The following CACNA1C variants were observed in gnomAD, a reference collection of about 807,000 sequenced individuals.
CACNA1C encodes the protein voltage-dependent L-type calcium channel subunit alpha-1C.
In CACNA1C, 30 loss-of-function variants were observed where a neutral mutation model predicts 229.0. The observed-to-expected ratio is 0.13, with a 90% CI of 0.10 to 0.18. CACNA1C has a LOEUF of 0.18. Among genes scored for constraint, CACNA1C ranks in the 10% least tolerant of loss-of-function variants. The pLI is 1.00. For missense variants in CACNA1C, 1,658 were observed against 2,845.0 expected (o/e 0.58, Z 9.49); for synonymous variants, 1,114 against 1,132.5 (o/e 0.98, Z 0.33).
chr12:2,482,616 G>A (rs765755021), intron 5 of CACNA1C, among the ~76,000 whole-genome samples: 10 of 152,186 alleles, frequency 6.6e-5, no homozygotes, highest in Admixed American at 1.3e-4. Flanking sequence ...GAGGGCCTTT[G>A]GTGTTCCAGG....
chr12:2,154,944 G>A (rs753101151), intron 3 of CACNA1C, among the ~76,000 whole-genome samples: 5 of 152,162 alleles, frequency 3.3e-5, no homozygotes, highest in Admixed American at 3.3e-4. Context: ...CTCCGGAGCC[G>A]GCTCTGTGCT....
At chr12:2,204,734 A>C (rs2097700252) in intron 3 of CACNA1C, among the ~76,000 whole-genome samples, 2 of 133,484 alleles carry the variant, frequency 1.5e-5, no homozygotes, top group Non-Finnish European at 1.6e-5. Flanking sequence ...ATAGGTGGGA[A>C]TTGAACAGTG....
At chr12:2,484,322 T>C (rs2099688873) in intron 5 of CACNA1C, among the ~76,000 whole-genome samples, 1 of 152,130 alleles carries the variant, frequency 6.6e-6, no homozygotes, top group South Asian at 2.1e-4. Flanking sequence ...GGTGGCCCTG[T>C]GGTGGGAGGA....
intron 21 of CACNA1C, among the ~76,000 whole-genome samples, chr12:2,600,714 C>T (rs215986): frequency 0.21 from 32,372 of 152,186 alleles, 3,635 homozygotes; most frequent in East Asian, 0.37. Flanking sequence ...CAGTCATCGT[C>T]ATCTTGTGTG....
At chr12:2,267,766 G>T (rs1331376660) in intron 3 of CACNA1C, among the ~76,000 whole-genome samples, 5 of 152,218 alleles carry the variant, frequency 3.3e-5, no homozygotes, top group African/African-American at 1.2e-4. Flanking sequence ...GGGTTGGAAT[G>T]TGTCTGCGGA....
chr12:2,059,861 G>C (rs2056791009), intron 1 of CACNA1C, among the ~76,000 whole-genome samples: 1 of 152,102 alleles, frequency 6.6e-6, no homozygotes, highest in South Asian at 2.1e-4. Context: ...CCCCCTGAGA[G>C]AGCATTGTTA....
chr12:2,113,646 G>A (rs1405199421), intron 1 of CACNA1C, among the ~76,000 whole-genome samples: 1 of 152,118 alleles, frequency 6.6e-6, no homozygotes. Context: ...CAACCTCACC[G>A]CCCACAGTAG....
chr12:2,189,056 A>G (rs1410366997), intron 3 of CACNA1C, among the ~76,000 whole-genome samples: 2 of 145,542 alleles, frequency 1.4e-5, no homozygotes, highest in African/African-American at 2.7e-5. Flanking sequence ...TCACACCACT[A>G]CACTCCAGCC....
chr12:2,104,670 C>T (rs2154110602), intron 1 of CACNA1C, among the ~76,000 whole-genome samples: 1 of 152,234 alleles, frequency 6.6e-6, no homozygotes, highest in African/African-American at 2.4e-5. Context: ...GGAATGCTTC[C>T]AGTTTTTGCC....
upstream of CACNA1C, chr12:2,052,896 GGCGGGCGGGCGGGCGGC>G (rs1187912117): frequency 2.8e-6 from 2 of 702,340 alleles, no homozygotes; most frequent in Non-Finnish European, 3.5e-6. Flanking sequence ...CGGCGCGCCG[GGCGGGCGGGCGGGCGGC>G]GCGGGCAGGG....
At chr12:2,094,748 G>A (rs2073063338) in intron 1 of CACNA1C, among the ~76,000 whole-genome samples, 1 of 152,138 alleles carries the variant, frequency 6.6e-6, no homozygotes, top group African/African-American at 2.4e-5. Context: ...CAGGAAGTGG[G>A]AGTGGCTGGG....
chr12:2,596,181 A>G (rs2068082575), intron 20 of CACNA1C, 178 bp downstream of exon 20: 3 of 522,048 alleles, frequency 5.7e-6, no homozygotes, highest in Non-Finnish European at 9.7e-6. Context: ...TAGGACCACA[A>G]GCAAATAAAA....
Position 2,486,028 on chromosome 12 carries a change from C to T in CACNA1C, c.758-76C>T. ...TGGCAGTTCCTTCCTTGCAGAGTTGCTGGAAGATTGCATGAGATGGCGTCA... is the reference window on the plus strand; with the variant it reads ...TGGCAGTTCCTTCCTTGCAGAGTTGTTGGAAGATTGCATGAGATGGCGTCA... On this transcript the variant is annotated intron_variant, in intron 5 of 46. Coordinates refer to ENST00000399655, the MANE Select transcript of CACNA1C (RefSeq NM_000719.7). The surrounding 1 kb of genome is among the most constrained non-coding windows in gnomAD (Gnocchi z 4.9). The T allele has an allele frequency of 8.0e-7, 1 of 1,244,140 alleles. No individual in the cohort carries two copies. The highest frequency in any genetic ancestry group is 1.1e-6 in the Non-Finnish European group (1 of 911,894). 77.1% of individuals were successfully genotyped at this position (1,244,140 alleles called of 1,614,324 possible). A position where few individuals can be genotyped will look rare whatever the true frequency, so the allele number is the denominator to read the frequency against.
intron 3 of CACNA1C, among the ~76,000 whole-genome samples, chr12:2,190,703 G>A (rs991241558): frequency 6.6e-6 from 1 of 152,196 alleles, no homozygotes; most frequent in Admixed American, 6.5e-5. Flanking sequence ...GCTCTGAGTA[G>A]CCTGTCTGCT....
intron 22 of CACNA1C, chr12:2,603,240 TC>T (rs1327892780): frequency 6.6e-6 from 1 of 152,150 alleles, no homozygotes; most frequent in African/African-American, 2.4e-5. Context: ...GACCTTTAAA[TC>T]CCTTCCATTG....
intron 29 of CACNA1C, chr12:2,614,711 G>A (rs766527299): frequency 2.0e-5 from 3 of 152,184 alleles, no homozygotes; most frequent in Admixed American, 6.5e-5. Context: ...GCTGTGAAAG[G>A]ATGGCTAGGA....
intron 3 of CACNA1C, among the ~76,000 whole-genome samples, chr12:2,435,336 G>A (rs1213625269): frequency 1.3e-5 from 2 of 152,228 alleles, no homozygotes; most frequent in Non-Finnish European, 1.5e-5. Flanking sequence ...CACAATCTGT[G>A]TTGTAATTTG....
rs1279439079 is a variant in CACNA1C, at chr12:2,215,400, C to A, written c.477+94970C>A. Among the ~76,000 whole-genome samples, 1 of 152,064 alleles carries A rather than the reference C, an allele frequency of 6.6e-6. No homozygotes were observed. Among genetic ancestry groups the A allele is most frequent in the Non-Finnish European group, 1.5e-5 (1 of 68,024 alleles). ...TGCCAGCTTGCAGGGCCCAGCATGC[C>A]TGTGAGGGCAAAAGGGTTCTGAGTG... On this transcript the variant is annotated intron_variant, in intron 3 of 46. Coordinates refer to ENST00000399655, the MANE Select transcript of CACNA1C (RefSeq NM_000719.7). This position sits in a 1 kb window ranked among gnomAD's most constrained non-coding sequence, Gnocchi z 5.0.
chr12:2,491,998 T>TCTC (rs1568004652), intron 6 of CACNA1C, among the ~76,000 whole-genome samples: 1 of 132,396 alleles, frequency 7.6e-6, no homozygotes, highest in African/African-American at 3.0e-5. Context: ...CTCTCTCTCT[T>TCTC]TGGAAGTGTA....
Sources: gnomAD v4.1 joint callset for allele counts (sites outside exome capture counted in the v4.1 genomes callset) on GRCh38, gnomAD v4.1.1 for gene constraint, Gnocchi (gnomAD v3.1) non-coding constraint, MANE v1.5 for transcripts, NCBI Gene and HGNC (gene_info 2026-07-23, HGNC 2026-07-21) for gene names.